The following SH2D4B variants were observed in gnomAD, a reference collection of about 807,000 sequenced individuals.
SH2D4B encodes the protein SH2 domain containing 4B.
A neutral mutation model predicts 61.5 loss-of-function variants in SH2D4B; 45 were observed. The ratio of observed to expected loss-of-function variants is 0.73; its 90% CI spans 0.58 to 0.94. The LOEUF is 0.94. SH2D4B is among the 40% of genes least tolerant of loss of function. SH2D4B has a pLI of 0.00. For synonymous variants in SH2D4B, 224 were observed against 220.4 expected, an observed-to-expected ratio of 1.02 and a Z score of -0.14; for missense variants, 572 against 574.2, an observed-to-expected ratio of 1.00 and a Z score of 0.04.
chr10:80,556,673 G>A (rs922087239), intron 1 of SH2D4B, among the ~76,000 whole-genome samples: 6 of 151,998 alleles, frequency 3.9e-5, no homozygotes, highest in African/African-American at 7.2e-5. Context: ...ATTGTAAATG[G>A]CACCTTAAAA....
chr10:80,585,088 A>T (rs1027875211), intron 3 of SH2D4B, among the ~76,000 whole-genome samples: 2 of 152,234 alleles, frequency 1.3e-5, no homozygotes, highest in Admixed American at 6.5e-5. Flanking sequence ...ATGTAAACAA[A>T]GGTAGAAGAA....
chr10:80,618,184 C>T (rs1405589032), intron 6 of SH2D4B, among the ~76,000 whole-genome samples: 4 of 152,208 alleles, frequency 2.6e-5, no homozygotes, highest in Non-Finnish European at 5.9e-5. Flanking sequence ...TCTGCTCTAG[C>T]GAAGCTGTCA....
Position 80,538,019 on chromosome 10 carries a change from T to C in SH2D4B, c.-313T>C, listed in dbSNP as rs1841527100. ...CAGAACCCCAGGTGATGCCAAGACA[T>C]GGGCTCTCCTGGGATGCCGTGCTTG... On this transcript the variant is annotated 5_prime_UTR_variant, in exon 1 of 8. The change abolishes an upstream ATG in the 5' untranslated region. Coordinates refer to ENST00000646907, the MANE Select transcript of SH2D4B (RefSeq NM_001388272.1). The surrounding 1 kb of genome is among the most constrained non-coding windows in gnomAD (Gnocchi z 4.8). The C allele has an allele frequency of 1.2e-5, 2 of 172,434 alleles. No individual in the cohort carries two copies. Among genetic ancestry groups the C allele is most frequent in the Admixed American group, 1.3e-4 (2 of 15,780 alleles). The allele number at this position is 172,434 out of a possible 1,614,324, so 10.7% of individuals were successfully genotyped here.
intron 3 of SH2D4B, among the ~76,000 whole-genome samples, chr10:80,582,211 C>T (rs2880654): frequency 0.5 from 76,539 of 151,940 alleles, 20,842 homozygotes; most frequent in African/African-American, 0.72. Flanking sequence ...AAGGGAAACG[C>T]TGGGGTGTTG....
chr10:80,624,832 C>A (rs1842753384), intron 6 of SH2D4B, among the ~76,000 whole-genome samples: 2 of 152,198 alleles, frequency 1.3e-5, no homozygotes, highest in South Asian at 4.2e-4. Context: ...AATGCCATAG[C>A]AGTAATGTGT....
At chr10:80,639,253 G>A (rs1564532332) in intron 7 of SH2D4B, among the ~76,000 whole-genome samples, 1 of 152,214 alleles carries the variant, frequency 6.6e-6, no homozygotes, top group Non-Finnish European at 1.5e-5. Context: ...TGAGAAGAAT[G>A]TATATTCTGT....
intron 3 of SH2D4B, among the ~76,000 whole-genome samples, chr10:80,580,372 G>A (rs1411505083): frequency 6.6e-6 from 1 of 152,156 alleles, no homozygotes; most frequent in Non-Finnish European, 1.5e-5. Context: ...AGGGCGTGAA[G>A]GCCCTTAGGG....
intron 3 of SH2D4B, among the ~76,000 whole-genome samples, chr10:80,580,871 C>T (rs561975924): frequency 6.6e-6 from 1 of 152,264 alleles, no homozygotes; most frequent in East Asian, 1.9e-4. Flanking sequence ...CGATTAATTC[C>T]TAGGCAGCAG....
In SH2D4B at chr10:80,603,597, CTGA is replaced by C; in HGVS notation, c.666_668del (p.Asp222del). On this transcript the variant is annotated inframe_deletion, in exon 5 of 8. Coordinates refer to ENST00000646907, the MANE Select transcript of SH2D4B (RefSeq NM_001388272.1). ...TTTCCAGTGCGCCGGTCCAAGGCGG[CTGA>C]TGAGGAGAGGAGCCGCCGAGCCCAG... The C allele has an allele frequency of 6.4e-7, 1 of 1,564,052 alleles. No homozygotes were observed. Among genetic ancestry groups the C allele is most frequent in the East Asian group, 2.4e-5 (1 of 42,414 alleles).
chr10:80,545,196 C>G (rs1355039144), intron 1 of SH2D4B, among the ~76,000 whole-genome samples: 1 of 152,142 alleles, frequency 6.6e-6, no homozygotes, highest in Non-Finnish European at 1.5e-5. Context: ...TGTCTAGTTC[C>G]AGAACATTTT....
intron 3 of SH2D4B, among the ~76,000 whole-genome samples, chr10:80,572,960 A>T (rs1431779765): frequency 4.4e-4 from 2 of 4,576 alleles, no homozygotes; most frequent in African/African-American, 1.1e-3. Flanking sequence ...ATATATATAT[A>T]TATATATATA....
At chr10:80,556,559 G>C (rs1268798948) in intron 1 of SH2D4B, among the ~76,000 whole-genome samples, 1 of 152,130 alleles carries the variant, frequency 6.6e-6, no homozygotes, top group Non-Finnish European at 1.5e-5. Context: ...TGAAAAAGGT[G>C]TATTGCTCCA....
chr10:80,591,646 G>A (rs1006536884), intron 4 of SH2D4B, among the ~76,000 whole-genome samples: 1 of 151,690 alleles, frequency 6.6e-6, no homozygotes, highest in African/African-American at 2.4e-5. Context: ...GATTACAGGT[G>A]TGTGCCACCA....
At chr10:80,638,172 G>T (rs1840221965) in intron 7 of SH2D4B, among the ~76,000 whole-genome samples, 1 of 152,192 alleles carries the variant, frequency 6.6e-6, no homozygotes, top group African/African-American at 2.4e-5. Flanking sequence ...TTGATGTGCT[G>T]CTGGATTCAG....
At chr10:80,550,795 A>G (rs1469101449) in intron 1 of SH2D4B, among the ~76,000 whole-genome samples, 1 of 152,198 alleles carries the variant, frequency 6.6e-6, no homozygotes, top group Non-Finnish European at 1.5e-5. Context: ...GCTCTAAAAA[A>G]CAAGTAGGAG....
chr10:80,623,024 C>T (rs1471363556), intron 6 of SH2D4B, among the ~76,000 whole-genome samples: 3 of 152,220 alleles, frequency 2.0e-5, no homozygotes, highest in Non-Finnish European at 4.4e-5. Flanking sequence ...AAGCGATTCT[C>T]CTGCTTCAGC....
chr10:80,629,812 G>T (rs1831766623), intron 6 of SH2D4B, among the ~76,000 whole-genome samples: 1 of 152,174 alleles, frequency 6.6e-6, no homozygotes, highest in Admixed American at 6.5e-5. Flanking sequence ...AATAGATGAG[G>T]ACCTCAAACT....
intron 7 of SH2D4B, among the ~76,000 whole-genome samples, chr10:80,641,181 C>A (rs7897870): frequency 6.6e-6 from 1 of 152,030 alleles, no homozygotes; most frequent in African/African-American, 2.4e-5. Context: ...TCCCAGAGGG[C>A]CACCTGCCTG....
intron 3 of SH2D4B, among the ~76,000 whole-genome samples, chr10:80,586,311 C>A (rs1429807547): frequency 6.6e-6 from 1 of 152,232 alleles, no homozygotes; most frequent in Admixed American, 6.5e-5. Flanking sequence ...GGTGCGCGAT[C>A]CACTGGGTGA....
Sources: gnomAD v4.1 joint callset for allele counts (sites outside exome capture counted in the v4.1 genomes callset) on GRCh38, gnomAD v4.1.1 for gene constraint, Gnocchi (gnomAD v3.1) non-coding constraint, MANE v1.5 for transcripts, NCBI Gene and HGNC (gene_info 2026-07-23, HGNC 2026-07-21) for gene names.